ACSM3: variants seen among roughly 807,000 people sequenced by gnomAD.
The protein encoded by ACSM3 is acyl-coenzyme A synthetase ACSM3, mitochondrial.
A neutral mutation model predicts 74.1 loss-of-function variants in ACSM3; 61 were observed. The ratio of observed to expected loss-of-function variants is 0.82; its 90% CI spans 0.67 to 1.02. ACSM3 has a LOEUF of 1.02. ACSM3 is among the 50% of genes least tolerant of loss of function. The pLI is 0.00. For synonymous variants in ACSM3, 213 were observed against 241.5 expected (o/e 0.88, Z 1.09); for missense variants, 660 against 697.0 (o/e 0.95, Z 0.60).
At chr16:20,776,976 G>A (rs975800357) in intron 3 of ACSM3, among the ~76,000 whole-genome samples, 4 of 152,220 alleles carry the variant, frequency 2.6e-5, no homozygotes, top group Non-Finnish European at 5.9e-5. Flanking sequence ...TACTACTTAA[G>A]TGATACCTTG....
At chr16:20,746,517 G>A (rs573056564) in intron 1 of ACSM3, among the ~76,000 whole-genome samples, 24 of 152,344 alleles carry the variant, frequency 1.6e-4, no homozygotes, top group African/African-American at 4.1e-4. Context: ...CATAAAATGC[G>A]TAAGACTGGC....
rs1854588314 is a variant in ACSM3, at chr16:20,790,481, C to T, written c.1225-106C>T. 1 of 1,169,346 alleles carries T rather than the reference C, an allele frequency of 8.6e-7. No individual in the cohort carries two copies. The highest frequency in any genetic ancestry group is 1.6e-5 in the African/African-American group (1 of 63,830). The allele number at this position is 1,169,346 out of a possible 1,614,324, so 72.4% of individuals were successfully genotyped here. ...CACACACACAAAATTTTTTTTAAGT[C>T]TTCATTTTTAAATGGCAAAAGCCAA... On this transcript the variant is annotated intron_variant, in intron 9 of 13. Transcript: ENST00000289416. This position sits in a 1 kb window ranked among gnomAD's most constrained non-coding sequence, Gnocchi z 4.0.
intron 1 of ACSM3, among the ~76,000 whole-genome samples, chr16:20,677,115 G>T (rs2020333883): frequency 6.6e-6 from 1 of 151,814 alleles, no homozygotes; most frequent in Non-Finnish European, 1.5e-5. Flanking sequence ...GGGCAGCAAG[G>T]TTCTGCTGCA....
chr16:20,705,915 T>C (rs1157698754), intron 1 of ACSM3, among the ~76,000 whole-genome samples: 3 of 152,172 alleles, frequency 2.0e-5, no homozygotes, highest in Admixed American at 1.3e-4. Context: ...ATTGAGACTA[T>C]TTAAGAATGT....
intron 1 of ACSM3, among the ~76,000 whole-genome samples, chr16:20,742,440 G>A (rs1008803179): frequency 1.3e-5 from 2 of 152,094 alleles, no homozygotes; most frequent in Non-Finnish European, 2.9e-5. Flanking sequence ...GGCAGATCAC[G>A]AGGTCAGGAG....
chr16:20,694,022 TA>T (rs985208988), intron 1 of ACSM3, among the ~76,000 whole-genome samples: 6 of 152,258 alleles, frequency 3.9e-5, no homozygotes. Context: ...CAATTTAGCC[TA>T]AATATTTGCC....
chr16:20,713,083 T>G (rs931624102), intron 1 of ACSM3, among the ~76,000 whole-genome samples: 3 of 152,236 alleles, frequency 2.0e-5, no homozygotes, highest in Non-Finnish European at 2.9e-5. Context: ...CAGTGAATAT[T>G]GCTTGTGTCT....
exon 1 of ACSM3, chr16:20,674,681 G>C (rs1310300364): frequency 6.6e-6 from 1 of 152,244 alleles, no homozygotes; most frequent in African/African-American, 2.4e-5. Flanking sequence ...TAGGGCCCTG[G>C]GGCTGTGGAA....
upstream of ACSM3, among the ~76,000 whole-genome samples, chr16:20,759,990 G>GCCC (rs770211744): frequency 1.4e-4 from 22 of 152,164 alleles, no homozygotes; most frequent in Non-Finnish European, 4.4e-5. Flanking sequence ...TGGAAAGCCA[G>GCCC]TAGGGGCAGC....
chr16:20,750,432 G>A (rs1454469003), intron 2 of ACSM3, among the ~76,000 whole-genome samples: 1 of 152,160 alleles, frequency 6.6e-6, no homozygotes. Context: ...CTAAATTCAT[G>A]AGATCCTTCA....
intron 12 of ACSM3, among the ~76,000 whole-genome samples, chr16:20,795,789 A>T (rs1217701774): frequency 6.6e-6 from 1 of 152,202 alleles, no homozygotes; most frequent in African/African-American, 2.4e-5. Context: ...CAGGACTCCA[A>T]ATTTACTTTT....
intron 1 of ACSM3, among the ~76,000 whole-genome samples, chr16:20,692,084 T>C (rs1321592467): frequency 6.6e-6 from 1 of 152,150 alleles, no homozygotes; most frequent in Admixed American, 6.5e-5. Context: ...TGGGTTTCTG[T>C]CACTTGAGAC....
chr16:20,690,421 C>T (rs1191924060), intron 1 of ACSM3, among the ~76,000 whole-genome samples: 3 of 152,206 alleles, frequency 2.0e-5, no homozygotes, highest in Non-Finnish European at 4.4e-5. Flanking sequence ...CTCTGGAAGA[C>T]ACAGGGCTTG....
At chr16:20,752,046 T>C (rs1024968048) in intron 2 of ACSM3, among the ~76,000 whole-genome samples, 2 of 152,118 alleles carry the variant, frequency 1.3e-5, no homozygotes, top group Admixed American at 6.5e-5. Flanking sequence ...TGATATGAGC[T>C]ATCTAAAACA....
chr16:20,710,220 G>A (rs759359253), intron 1 of ACSM3, among the ~76,000 whole-genome samples: 9 of 152,160 alleles, frequency 5.9e-5, no homozygotes, highest in Non-Finnish European at 1.2e-4. Flanking sequence ...TCCATAGAGT[G>A]GAGGGCTGGC....
chr16:20,752,130 C>A (rs1329155658), intron 2 of ACSM3, among the ~76,000 whole-genome samples: 1 of 152,070 alleles, frequency 6.6e-6, no homozygotes, highest in Admixed American at 6.6e-5. Flanking sequence ...GCAGAGCTTG[C>A]AGTTAGCCGA....
chr16:20,726,838 G>A (rs2079808204), intron 1 of ACSM3, among the ~76,000 whole-genome samples: 1 of 152,194 alleles, frequency 6.6e-6, no homozygotes. Flanking sequence ...CTTGACAAGT[G>A]GGAGGTGCCT....
At chr16:20,725,827 C>A (rs2079802955) in intron 1 of ACSM3, among the ~76,000 whole-genome samples, 1 of 152,106 alleles carries the variant, frequency 6.6e-6, no homozygotes, top group Non-Finnish European at 1.5e-5. Flanking sequence ...CAAACATTAG[C>A]CAGGCGTGGT....
At chr16:20,720,824 A>G (rs1443822244) in intron 1 of ACSM3, among the ~76,000 whole-genome samples, 1 of 152,220 alleles carries the variant, frequency 6.6e-6, no homozygotes, top group Admixed American at 6.5e-5. Context: ...TATACATTAC[A>G]CTTTATAAAA....
Sources: allele counts gnomAD v4.1 joint callset (sites outside exome capture counted in the v4.1 genomes callset), GRCh38; gene constraint gnomAD v4.1.1; non-coding constraint Gnocchi (gnomAD v3.1); transcripts MANE v1.5; gene names NCBI Gene and HGNC (gene_info 2026-07-23, HGNC 2026-07-21).